The following KDM4C variants were observed in gnomAD, a reference collection of about 807,000 sequenced individuals.
The protein encoded by KDM4C is lysine demethylase 4C.
In KDM4C, 81 loss-of-function variants were observed where a neutral mutation model predicts 129.3. The observed-to-expected ratio is 0.63, with a 90% CI of 0.52 to 0.75. KDM4C has a LOEUF of 0.75. Among genes scored for constraint, KDM4C ranks in the 30% least tolerant of loss-of-function variants. KDM4C has a pLI of 0.00. For missense variants in KDM4C, 1,457 were observed against 1,304.0 expected (o/e 1.12, Z -1.81); for synonymous variants, 573 against 456.1 (o/e 1.26, Z -3.26).
intron 4 of KDM4C, among the ~76,000 whole-genome samples, chr9:6,835,795 C>G (rs941375764): frequency 1.3e-5 from 2 of 152,004 alleles, no homozygotes; most frequent in African/African-American, 2.4e-5. Flanking sequence ...GCTGAGGACT[C>G]TATTTCTTGT....
intron 1 of KDM4C, among the ~76,000 whole-genome samples, chr9:6,739,343 G>A (rs1817618994): frequency 6.6e-6 from 1 of 151,992 alleles, no homozygotes; most frequent in East Asian, 1.9e-4. Context: ...AAAGTGCTGG[G>A]ATCACAGGTG....
chr9:6,737,124 T>A (rs933507880), intron 1 of KDM4C, among the ~76,000 whole-genome samples: 3 of 150,730 alleles, frequency 2.0e-5, no homozygotes, highest in African/African-American at 7.3e-5. Flanking sequence ...AGATCTTGTC[T>A]CTATTTTCAA....
chr9:6,957,226 A>C (rs1239200222), intron 8 of KDM4C, among the ~76,000 whole-genome samples: 1 of 152,206 alleles, frequency 6.6e-6, no homozygotes, highest in African/African-American at 2.4e-5. Flanking sequence ...TAGGAAGATT[A>C]TGTTCTGCAT....
chr9:7,018,046 G>T (rs1247128506), intron 15 of KDM4C, among the ~76,000 whole-genome samples: 1 of 152,162 alleles, frequency 6.6e-6, no homozygotes, highest in Non-Finnish European at 1.5e-5. Flanking sequence ...AAAGCATTTT[G>T]GTACAGGTAT....
intron 12 of KDM4C, among the ~76,000 whole-genome samples, chr9:7,008,515 CTT>C (rs1308093270): frequency 6.6e-6 from 1 of 152,196 alleles, no homozygotes; most frequent in African/African-American, 2.4e-5. Flanking sequence ...TAGAGCAGCA[CTT>C]GTGGACCTGG....
At chr9:7,090,337 A>G (rs1835652871) in intron 17 of KDM4C, among the ~76,000 whole-genome samples, 1 of 152,152 alleles carries the variant, frequency 6.6e-6, no homozygotes. Flanking sequence ...GGTTTTGTAG[A>G]AAAAAATAAA....
At chr9:7,087,012 C>T (rs1738722708) in intron 17 of KDM4C, among the ~76,000 whole-genome samples, 1 of 152,070 alleles carries the variant, frequency 6.6e-6, no homozygotes, top group African/African-American at 2.4e-5. Context: ...ATGCAAAATA[C>T]TGGCTCTCAT....
intron 15 of KDM4C, among the ~76,000 whole-genome samples, chr9:7,045,371 C>T (rs920933648): frequency 4.6e-5 from 7 of 152,036 alleles, no homozygotes; most frequent in Admixed American, 2.6e-4. Context: ...ATGTATACAA[C>T]GAAAGTACTT....
chr9:7,117,370 G>A (rs1435990065), intron 18 of KDM4C, among the ~76,000 whole-genome samples: 1 of 152,068 alleles, frequency 6.6e-6, no homozygotes, highest in African/African-American at 2.4e-5. Context: ...AACTGTAATT[G>A]AGAGTCAGAA....
intron 1 of KDM4C, among the ~76,000 whole-genome samples, chr9:6,740,851 G>A (rs1490758203): frequency 6.6e-6 from 1 of 151,160 alleles, no homozygotes; most frequent in Non-Finnish European, 1.5e-5. Flanking sequence ...TTTTTGAGAC[G>A]GAGTCTCACT....
At chr9:7,142,718 A>G (rs953641842) in intron 19 of KDM4C, among the ~76,000 whole-genome samples, 17 of 152,184 alleles carry the variant, frequency 1.1e-4, no homozygotes, top group Non-Finnish European at 2.5e-4. Context: ...TAACATACCC[A>G]TGGCTGGCTA....
At chr9:6,905,778 T>C (rs770839967) in intron 8 of KDM4C, among the ~76,000 whole-genome samples, 1 of 152,182 alleles carries the variant, frequency 6.6e-6, no homozygotes, top group Non-Finnish European at 1.5e-5. Flanking sequence ...ATGGAAGGTG[T>C]CTGGGGCAAA....
intron 3 of KDM4C, among the ~76,000 whole-genome samples, chr9:6,812,719 C>A (rs1365267930): frequency 6.6e-6 from 1 of 152,150 alleles, no homozygotes; most frequent in African/African-American, 2.4e-5. Context: ...GGGACCCATT[C>A]TCCGGGAAAT....
At chr9:6,952,051 A>G (rs755189394) in intron 8 of KDM4C, among the ~76,000 whole-genome samples, 16 of 152,164 alleles carry the variant, frequency 1.1e-4, no homozygotes, top group Non-Finnish European at 2.2e-4. Flanking sequence ...CTGAACTTAA[A>G]TGGGCTTAAA....
In KDM4C at chr9:7,169,829, T is replaced by A; in HGVS notation, c.2933T>A (p.Met978Lys). Residue 978 changes from methionine to lysine, a missense_variant, in exon 21 of 22, where the codon ATG becomes AAG. By Grantham distance (95) the Met-to-Lys change is moderately conservative. Coordinates refer to ENST00000381309, the MANE Select transcript of KDM4C (RefSeq NM_015061.6). ...TTTGAAGATGGATCCCAGATAGCAA[T>A]GAAGAGAGAGGACATCTACACTTTA... is the stretch of plus-strand genomic sequence containing the variant. ...VEFEDGSQIA[M>K]KREDIYTLDE... 1 of 1,610,794 alleles carries A rather than the reference T, an allele frequency of 6.2e-7. No individual in the cohort carries two copies. The highest frequency in any genetic ancestry group is 8.5e-7 in the Non-Finnish European group (1 of 1,177,476).
At chr9:6,963,866 A>G (rs571525632) in intron 8 of KDM4C, among the ~76,000 whole-genome samples, 169 of 152,224 alleles carry the variant, frequency 1.1e-3, no homozygotes, top group Middle Eastern at 3.4e-3. Flanking sequence ...TTCATTTTTA[A>G]TCCTTCTGTT....
At chr9:7,101,872 C>T (rs1837135478) in intron 17 of KDM4C, among the ~76,000 whole-genome samples, 1 of 152,146 alleles carries the variant, frequency 6.6e-6, no homozygotes, top group Non-Finnish European at 1.5e-5. Flanking sequence ...TAATTAGATT[C>T]TTGAAAGATT....
At chr9:7,133,757 C>T (rs983546660) in intron 19 of KDM4C, among the ~76,000 whole-genome samples, 4 of 152,150 alleles carry the variant, frequency 2.6e-5, no homozygotes, top group Non-Finnish European at 4.4e-5. Flanking sequence ...CACAAGCCCT[C>T]GCTTGGCAAG....
intron 19 of KDM4C, among the ~76,000 whole-genome samples, chr9:7,149,129 C>T (rs973460271): frequency 2.6e-5 from 4 of 152,204 alleles, no homozygotes; most frequent in Admixed American, 1.3e-4. Flanking sequence ...GCCCTCAGGC[C>T]CCTTGGCCTC....
Sources: gnomAD v4.1 joint callset for allele counts (sites outside exome capture counted in the v4.1 genomes callset) on GRCh38, gnomAD v4.1.1 for gene constraint, MANE v1.5 for transcripts, NCBI Gene and HGNC (gene_info 2026-07-23, HGNC 2026-07-21) for gene names.